TENM4: variants seen among roughly 807,000 people sequenced by gnomAD.
TENM4 encodes the protein teneurin-4.
TENM4 carries 82 observed loss-of-function variants against 243.3 expected under a neutral mutation model. The ratio of observed to expected loss-of-function variants is 0.34; its 90% CI spans 0.28 to 0.40. TENM4 has a LOEUF of 0.40. Among genes scored for constraint, TENM4 ranks in the 10% least tolerant of loss-of-function variants. TENM4 has a pLI of 1.00. For synonymous variants in TENM4, 1,412 were observed against 1,456.3 expected (o/e 0.97, Z 0.69); for missense variants, 3,138 against 3,673.3 (o/e 0.85, Z 3.77).
chr11:79,350,838 TA>T (rs1415937260), intron 1 of TENM4, among the ~76,000 whole-genome samples: 1 of 152,100 alleles, frequency 6.6e-6, no homozygotes, highest in African/African-American at 2.4e-5. Flanking sequence ...AGTGATTTTT[TA>T]AAAAGTGTAT....
chr11:79,214,018 G>GTTTC lies in TENM4; in HGVS notation c.-163+1789_-163+1790insGAAA, dbSNP rs1555028629. On this transcript the variant is annotated intron_variant, in intron 3 of 33. Coordinates refer to ENST00000278550, the MANE Select transcript of TENM4 (RefSeq NM_001098816.3). The stretch of plus-strand genomic sequence containing the variant: ...AAATTTTTTTTTTTTTTGAGGTGGA[G>GTTTC]TCTCTGTCTGTCACCCAGGCTGGAG... 1.5e-4 allele frequency among the ~76,000 whole-genome samples: 23 copies of GTTTC among 150,638 alleles called. 1 individual carries two copies. The highest frequency in any genetic ancestry group is 3.0e-5 in the Non-Finnish European group (2 of 67,708).
Position 79,395,903 on chromosome 11 carries a change from A to T in TENM4, c.-321+44606T>A, listed in dbSNP as rs1320882975. On this transcript the variant is annotated intron_variant, in intron 1 of 33. Transcript: ENST00000278550. ...TATTTGTCCCTGTTCTTGAGCAGCC[A>T]AAGAGCTAGTTGGAGCTCCTTGGCC... Among the ~76,000 whole-genome samples, 5 of 152,346 alleles carry T rather than the reference A, an allele frequency of 3.3e-5. No homozygotes were observed. In the South Asian group the frequency reaches 1.0e-3, roughly 32 times the overall value.
chr11:78,929,289 T>A (rs1016636945), intron 6 of TENM4, among the ~76,000 whole-genome samples: 1 of 152,172 alleles, frequency 6.6e-6, no homozygotes, highest in African/African-American at 2.4e-5. Context: ...ATCAAACTGC[T>A]TCCATGTGCG....
intron 6 of TENM4, among the ~76,000 whole-genome samples, chr11:78,935,996 A>G (rs1856774720): frequency 6.6e-6 from 1 of 152,196 alleles, no homozygotes; most frequent in South Asian, 2.1e-4. Flanking sequence ...TCGTGATTCC[A>G]TCTGTAAAAT....
Position 79,143,656 on chromosome 11 carries a change from T to A in TENM4, c.-66+5054A>T, listed in dbSNP as rs188677369. On this transcript the variant is annotated intron_variant, in intron 4 of 33. Transcript: ENST00000278550. ...CAAACCTGCATGTTGTGCACATGTA[T>A]CCTAGAACTTAAAGTATAATAAAAA... Among the ~76,000 whole-genome samples the A allele has an allele frequency of 1.3e-3, 200 of 151,586 alleles. 4 individuals are homozygous for A. In the East Asian group the frequency reaches 0.032, roughly 24 times the overall value.
intron 3 of TENM4, among the ~76,000 whole-genome samples, chr11:79,194,596 C>T (rs1284417631): frequency 6.6e-6 from 1 of 152,030 alleles, no homozygotes; most frequent in Non-Finnish European, 1.5e-5. Context: ...ATTGCCCCTG[C>T]CCTAGAGATT....
intron 7 of TENM4, among the ~76,000 whole-genome samples, chr11:78,897,623 T>C (rs146157992): frequency 2.4e-4 from 37 of 152,364 alleles, no homozygotes; most frequent in African/African-American, 8.4e-4. Flanking sequence ...ATGGTACCTG[T>C]CCTCATTCAT....
rs1858595529 is a variant in TENM4 at position 79,407,373 on chromosome 11, C to A, written c.-321+33136G>T. Among the ~76,000 whole-genome samples, 3 of 152,204 alleles carry A rather than the reference C, an allele frequency of 2.0e-5. No individual in the cohort carries two copies. In the South Asian group the frequency reaches 6.2e-4, roughly 31 times the overall value. On this transcript the variant is annotated intron_variant, in intron 1 of 33. Coordinates refer to ENST00000278550, the MANE Select transcript of TENM4 (RefSeq NM_001098816.3). ...TTACTAATAATAGCTAACAAGCAAA[C>A]CAATCATGTAATTAGTAATAATCAG...
At chr11:78,776,432 A>G (rs776698368) in intron 17 of TENM4, among the ~76,000 whole-genome samples, 25 of 152,264 alleles carry the variant, frequency 1.6e-4, no homozygotes, top group Admixed American at 1.0e-3. Context: ...AGCAGGGACC[A>G]TATCTGTTAT....
chr11:78,960,271 AAGG>A (rs1857289927), intron 6 of TENM4, among the ~76,000 whole-genome samples: 1 of 151,996 alleles, frequency 6.6e-6, no homozygotes, highest in Non-Finnish European at 1.5e-5. Context: ...ACTGAGAAAA[AAGG>A]AGGAGGTTTG....
At chr11:78,673,524 G>C (rs1858388705) in intron 30 of TENM4, among the ~76,000 whole-genome samples, 2 of 152,212 alleles carry the variant, frequency 1.3e-5, no homozygotes, top group South Asian at 4.1e-4. Context: ...AAAAATGGGT[G>C]CAGGTCTAGG....
At chr11:79,313,940 A>C (rs1856762672) in intron 1 of TENM4, among the ~76,000 whole-genome samples, 2 of 152,150 alleles carry the variant, frequency 1.3e-5, no homozygotes, top group Admixed American at 1.3e-4. Flanking sequence ...CCCGGTGGCC[A>C]ATCCTTTCTC....
At chr11:79,138,330 T>TA (rs1473021044) in intron 4 of TENM4, among the ~76,000 whole-genome samples, 7,301 of 116,340 alleles carry the variant, frequency 0.063, 304 homozygotes, top group Non-Finnish European at 0.076. Context: ...TATATATATA[T>TA]TATATATATA....
intron 3 of TENM4, 149 bp downstream of exon 3, chr11:79,215,659 G>T: frequency 1.4e-6 from 1 of 689,754 alleles, no homozygotes; most frequent in Non-Finnish European, 1.8e-6. Flanking sequence ...CTTTACTCTG[G>T]CCAGAACTCC....
At chr11:78,665,268 C>T (rs147330477) in intron 32 of TENM4, among the ~76,000 whole-genome samples, 3,973 of 94,580 alleles carry the variant, frequency 0.042, 106 homozygotes, top group Admixed American at 0.092. Context: ...CTTTTTTTTT[C>T]CTCTGTCTCT....
intron 6 of TENM4, among the ~76,000 whole-genome samples, chr11:78,956,550 C>A (rs755011870): frequency 2.6e-5 from 4 of 152,184 alleles, no homozygotes; most frequent in Non-Finnish European, 5.9e-5. Flanking sequence ...ATCTATGGAG[C>A]TTCCTGGTCA....
chr11:79,325,417 A>G (rs898883746), intron 1 of TENM4, among the ~76,000 whole-genome samples: 2 of 152,152 alleles, frequency 1.3e-5, no homozygotes, highest in African/African-American at 4.8e-5. Flanking sequence ...AAAGACCCCA[A>G]AATTTCCCCT....
chr11:78,784,351 A>C (rs1318689022), intron 16 of TENM4, among the ~76,000 whole-genome samples: 1 of 152,132 alleles, frequency 6.6e-6, no homozygotes, highest in Non-Finnish European at 1.5e-5. Context: ...TTGTTTCTCT[A>C]CTTTGCCTCC....
intron 1 of TENM4, among the ~76,000 whole-genome samples, chr11:79,391,850 A>G (rs1590932821): frequency 6.6e-6 from 1 of 152,234 alleles, no homozygotes; most frequent in African/African-American, 2.4e-5. Context: ...TGGACTGTGG[A>G]CATGCATTTA....
Sources: gnomAD v4.1 joint callset for allele counts (sites outside exome capture counted in the v4.1 genomes callset) on GRCh38, gnomAD v4.1.1 for gene constraint, MANE v1.5 for transcripts, NCBI Gene and HGNC (gene_info 2026-07-23, HGNC 2026-07-21) for gene names.